WDSUB1: variants seen among roughly 807,000 people sequenced by gnomAD.
The protein encoded by WDSUB1 is WD repeat, SAM and U-box domain-containing protein 1.
In WDSUB1, 49 loss-of-function variants were observed where a neutral mutation model predicts 53.9. That is an observed-to-expected ratio of 0.91 (90% CI 0.72 to 1.15). WDSUB1 has a LOEUF of 1.15. WDSUB1 is among the 50% of genes most tolerant of loss of function. The pLI is 0.00. For synonymous variants in WDSUB1, 194 were observed against 200.6 expected (o/e 0.97, Z 0.28); for missense variants, 514 against 562.0 (o/e 0.91, Z 0.86).
chr2:159,271,140 CTGT>C (rs1437791763), intron 5 of WDSUB1, among the ~76,000 whole-genome samples: 6 of 152,178 alleles, frequency 3.9e-5, no homozygotes, highest in African/African-American at 1.2e-4. Flanking sequence ...CACTTGGAAA[CTGT>C]TGTTATCTGC....
At chr2:159,281,123 T>C (rs2061654859) in intron 2 of WDSUB1, among the ~76,000 whole-genome samples, 1 of 152,236 alleles carries the variant, frequency 6.6e-6, no homozygotes. Flanking sequence ...ATTTGTGCTC[T>C]AAAAGATGTT....
chr2:159,251,259 CTG>C, intron 9 of WDSUB1, among the ~76,000 whole-genome samples: 1 of 151,390 alleles, frequency 6.6e-6, no homozygotes, highest in Non-Finnish European at 1.5e-5. Context: ...GAGTGAGACT[CTG>C]TCTCAAAAAA....
At position 159,242,826 on chromosome 2, in the gene WDSUB1, T is replaced by TAATTTAAAAGTATGAATAA. The variant is rs1231360415; in HGVS notation, c.1273+5527_1273+5545dup. 2.7e-5 allele frequency among the ~76,000 whole-genome samples: 4 copies of TAATTTAAAAGTATGAATAA among 148,010 alleles called. 1 individual carries two copies. The highest frequency in any genetic ancestry group is 6.6e-5 in the Admixed American group (1 of 15,172). ...TTTCACTAAGCCCGTATTACTTTCATAATTTAAAAGTATGAATAAAAATGA... is the reference window on the plus strand; with the variant it reads ...TTTCACTAAGCCCGTATTACTTTCATAATTTAAAAGTATGAATAAAATTTAAAAGTATGAATAAAAATGA... On this transcript the variant is annotated intron_variant, in intron 10 of 10. Coordinates refer to ENST00000359774, the MANE Select transcript of WDSUB1 (RefSeq NM_001128212.3).
At chr2:159,273,522 G>C (rs1363603120) in intron 4 of WDSUB1, among the ~76,000 whole-genome samples, 1 of 152,070 alleles carries the variant, frequency 6.6e-6, no homozygotes, top group Non-Finnish European at 1.5e-5. Flanking sequence ...CTGGGTTCAA[G>C]TGATTCTCCT....
chr2:159,262,330 G>A (rs1173175192), intron 5 of WDSUB1, among the ~76,000 whole-genome samples: 1 of 152,090 alleles, frequency 6.6e-6, no homozygotes, highest in Non-Finnish European at 1.5e-5. Context: ...CAGTAAGGCT[G>A]AAAACACAGC....
chr2:159,255,835 T>G (rs1285898512), intron 9 of WDSUB1, among the ~76,000 whole-genome samples: 2 of 152,142 alleles, frequency 1.3e-5, no homozygotes, highest in Non-Finnish European at 2.9e-5. Flanking sequence ...TATTAGAGCA[T>G]GATATCAAAA....
chr2:159,285,661 G>A (rs2061778042), intron 1 of WDSUB1, among the ~76,000 whole-genome samples: 1 of 152,160 alleles, frequency 6.6e-6, no homozygotes, highest in African/African-American at 2.4e-5. Flanking sequence ...AGCTGTGATT[G>A]CACCACTGCA....
In WDSUB1 at chr2:159,256,378, T is replaced by G. The variant is rs2061063388; in HGVS notation, c.953-3A>C. 6.2e-7 allele frequency: 1 copy of G among 1,602,512 alleles called. No homozygotes were observed. The highest frequency in any genetic ancestry group is 1.8e-5 in the Admixed American group (1 of 56,820). ...CAGCTGATGTTCTGTGCGCCTTGCT[T>G]AAAATAAACAAACAAGTAAGTGAGA... On this transcript the variant is annotated splice_polypyrimidine_tract_variant and splice_region_variant and intron_variant, in intron 8 of 10. Coordinates refer to ENST00000359774, the MANE Select transcript of WDSUB1 (RefSeq NM_001128212.3).
chr2:159,261,869 TATATATATATATATATATATATATATA>T (rs1389099238), intron 5 of WDSUB1, among the ~76,000 whole-genome samples: 5,902 of 21,242 alleles, frequency 0.28, 385 homozygotes, highest in Admixed American at 0.36. Context: ...TATATATATA[TATATATATATATATATATATATATATA>T]TTTTTTTTTT....
At chr2:159,249,046 A>T (rs1295630717) in intron 9 of WDSUB1, among the ~76,000 whole-genome samples, 1 of 152,244 alleles carries the variant, frequency 6.6e-6, no homozygotes, top group Non-Finnish European at 1.5e-5. Context: ...AGCAGCTAAT[A>T]GCTCATTTTA....
chr2:159,244,626 T>C lies in WDSUB1; in HGVS notation c.1273+3746A>G, dbSNP rs180886453. Among the ~76,000 whole-genome samples the C allele has an allele frequency of 4.7e-4, 71 of 152,222 alleles. 1 individual carries two copies. In the East Asian group the frequency reaches 0.013, roughly 29 times the overall value. ...TCTATTTGCTCAAATTGTACAGTTA[T>C]AAAAATATGAGCTACTGGCCAGGCT... On this transcript the variant is annotated intron_variant, in intron 10 of 10. Coordinates refer to ENST00000359774, the MANE Select transcript of WDSUB1 (RefSeq NM_001128212.3).
chr2:159,245,543 A>AAAAG (rs2060775492), intron 10 of WDSUB1, among the ~76,000 whole-genome samples: 1 of 151,892 alleles, frequency 6.6e-6, no homozygotes, highest in Admixed American at 6.6e-5. Context: ...AAAAAAAAAA[A>AAAAG]AAAGACTATA....
intron 9 of WDSUB1, among the ~76,000 whole-genome samples, chr2:159,250,292 G>A (rs1253364535): frequency 6.6e-6 from 1 of 152,080 alleles, no homozygotes; most frequent in Admixed American, 6.5e-5. Flanking sequence ...ATGCTGAAAT[G>A]AAACTGAGGA....
At chr2:159,272,363 G>A (rs542595324) in intron 4 of WDSUB1, among the ~76,000 whole-genome samples, 6 of 152,284 alleles carry the variant, frequency 3.9e-5, no homozygotes, top group African/African-American at 1.4e-4. Context: ...AGTGACTCAG[G>A]GAAGAGACAT....
intron 9 of WDSUB1, among the ~76,000 whole-genome samples, chr2:159,250,703 TCTAAGCTAA>T (rs1559535829): frequency 6.6e-6 from 1 of 152,196 alleles, no homozygotes; most frequent in East Asian, 1.9e-4. Context: ...GATCATGTAT[TCTAAGCTAA>T]GTAAGGTGGA....
At chr2:159,261,867 T>C (rs2061202152) in intron 5 of WDSUB1, among the ~76,000 whole-genome samples, 1 of 9,766 alleles carries the variant, frequency 1.0e-4, no homozygotes, top group Non-Finnish European at 2.0e-4. Flanking sequence ...TATATATATA[T>C]ATATATATAT....
At chr2:159,269,672 A>G (rs990710035) in intron 5 of WDSUB1, among the ~76,000 whole-genome samples, 3 of 152,220 alleles carry the variant, frequency 2.0e-5, no homozygotes, top group Non-Finnish European at 4.4e-5. Context: ...CAACAATAAT[A>G]TACCCTAAAA....
At chr2:159,273,523 T>C (rs1039070516) in intron 4 of WDSUB1, among the ~76,000 whole-genome samples, 2 of 152,042 alleles carry the variant, frequency 1.3e-5, no homozygotes, top group Admixed American at 1.3e-4. Context: ...TGGGTTCAAG[T>C]GATTCTCCTG....
At chr2:159,270,672 C>CA (rs539398217) in intron 5 of WDSUB1, among the ~76,000 whole-genome samples, 424 of 152,272 alleles carry the variant, frequency 2.8e-3, no homozygotes, top group African/African-American at 9.3e-3. Context: ...ACATCATACA[C>CA]ATTAAGTGTG....
Sources: allele counts gnomAD v4.1 joint callset (sites outside exome capture counted in the v4.1 genomes callset), GRCh38; gene constraint gnomAD v4.1.1; transcripts MANE v1.5; gene names NCBI Gene and HGNC (gene_info 2026-07-23, HGNC 2026-07-21).